The following SQOR variants were observed in gnomAD, a reference collection of about 807,000 sequenced individuals.
SQOR encodes the protein sulfide:quinone oxidoreductase, mitochondrial.
SQOR carries 39 observed loss-of-function variants against 48.6 expected under a neutral mutation model. The observed-to-expected ratio is 0.80, with a 90% CI of 0.62 to 1.05. The LOEUF is 1.05. Among genes scored for constraint, SQOR ranks in the 50% least tolerant of loss-of-function variants. SQOR has a pLI of 0.00. For synonymous variants in SQOR, 220 were observed against 206.2 expected (o/e 1.07, Z -0.57); for missense variants, 561 against 559.9 (o/e 1.00, Z -0.02).
intron 1 of SQOR, among the ~76,000 whole-genome samples, chr15:45,652,510 T>C (rs1019982905): frequency 2.0e-5 from 3 of 152,148 alleles, no homozygotes; most frequent in Admixed American, 6.5e-5. Flanking sequence ...GTCCGGCTAC[T>C]TTTTTCTAGT....
intron 7 of SQOR, among the ~76,000 whole-genome samples, chr15:45,686,152 AATAT>A (rs61545631): frequency 2.0e-5 from 3 of 150,014 alleles, no homozygotes; most frequent in Non-Finnish European, 4.4e-5. Flanking sequence ...GGCCTCATTT[AATAT>A]ATATATATAT....
At chr15:45,689,256 T>G (rs779797968) in intron 9 of SQOR, 39 bp downstream of exon 9, 1 of 1,602,430 alleles carries the variant, frequency 6.2e-7, no homozygotes, top group South Asian at 1.1e-5. Context: ...GGAAAGGGAT[T>G]TGTAGCACAT....
intron 6 of SQOR, 72 bp downstream of exon 6, chr15:45,676,382 A>C: frequency 7.2e-7 from 1 of 1,397,668 alleles, no homozygotes; most frequent in Non-Finnish European, 1.0e-6. Context: ...ATGGGGGCTC[A>C]CACCACCCTA....
At chr15:45,638,317 A>G (rs895273829) in intron 1 of SQOR, among the ~76,000 whole-genome samples, 11 of 152,180 alleles carry the variant, frequency 7.2e-5, no homozygotes, top group Non-Finnish European at 1.3e-4. Flanking sequence ...CTTAGTTAGA[A>G]GTGGTGGTGA....
At chr15:45,643,271 CT>C (rs1196930567) in intron 1 of SQOR, among the ~76,000 whole-genome samples, 1 of 152,222 alleles carries the variant, frequency 6.6e-6, no homozygotes, top group Non-Finnish European at 1.5e-5. Context: ...TCTCGGCTCA[CT>C]GCAGCCTCCG....
intron 4 of SQOR, among the ~76,000 whole-genome samples, chr15:45,670,402 G>A (rs547455293): frequency 6.6e-6 from 1 of 152,274 alleles, no homozygotes; most frequent in South Asian, 2.1e-4. Context: ...TGTTGCTGGA[G>A]GGACATCTGG....
upstream of SQOR, chr15:45,634,609 G>A (rs1450829544): frequency 6.6e-6 from 1 of 152,334 alleles, no homozygotes; most frequent in Non-Finnish European, 1.5e-5. Flanking sequence ...CTGGGCAGCT[G>A]TGTGAACCCG....
chr15:45,668,744 G>T (rs934848624), intron 3 of SQOR, among the ~76,000 whole-genome samples: 15 of 152,174 alleles, frequency 9.9e-5, no homozygotes, highest in Admixed American at 3.9e-4. Flanking sequence ...CAGGATCATG[G>T]TAATCACCAC....
intron 7 of SQOR, among the ~76,000 whole-genome samples, chr15:45,683,026 C>CAAAAAAAAAAAAAAAAAAAAAAAAAAA (rs34072446): frequency 2.8e-4 from 33 of 119,862 alleles, no homozygotes; most frequent in African/African-American, 1.1e-3. Flanking sequence ...GGCTTCATCT[C>CAAAAAAAAAAAAAAAAAAAAAAAAAAA]AAAAAAAAAA....
At chr15:45,687,993 C>A (rs1890252347) in intron 7 of SQOR, among the ~76,000 whole-genome samples, 1 of 152,138 alleles carries the variant, frequency 6.6e-6, no homozygotes, top group South Asian at 2.1e-4. Flanking sequence ...CAGGGATAAC[C>A]CACATGGTCA....
intron 2 of SQOR, among the ~76,000 whole-genome samples, chr15:45,661,559 G>T (rs1261607031): frequency 6.6e-6 from 1 of 152,138 alleles, no homozygotes; most frequent in Non-Finnish European, 1.5e-5. Context: ...GTCTCCACAT[G>T]CTCCTGAGGA....
chr15:45,632,846 C>T (rs1340301320), upstream of SQOR, among the ~76,000 whole-genome samples: 3 of 151,804 alleles, frequency 2.0e-5, no homozygotes, highest in African/African-American at 7.3e-5. Flanking sequence ...GCCCACTCCT[C>T]TAATCCCAGT....
At chr15:45,670,212 A>G (rs746084988) in intron 4 of SQOR, among the ~76,000 whole-genome samples, 1 of 152,256 alleles carries the variant, frequency 6.6e-6, no homozygotes, top group Non-Finnish European at 1.5e-5. Flanking sequence ...CAGCATGCTC[A>G]TGCCTTAATG....
intron 1 of SQOR, among the ~76,000 whole-genome samples, chr15:45,642,615 G>A (rs879275396): frequency 2.0e-5 from 3 of 152,080 alleles, no homozygotes; most frequent in African/African-American, 7.2e-5. Context: ...TTCCCAGAGC[G>A]CTAGACTGCC....
chr15:45,646,848 T>A (rs1030910110), intron 1 of SQOR, among the ~76,000 whole-genome samples: 1 of 151,980 alleles, frequency 6.6e-6, no homozygotes, highest in Non-Finnish European at 1.5e-5. Context: ...TCAAGCAAAT[T>A]CCGAGTCATT....
At chr15:45,688,514 T>TA in intron 8 of SQOR, 110 bp downstream of exon 8, 4 of 834,398 alleles carry the variant, frequency 4.8e-6, no homozygotes, top group Non-Finnish European at 5.3e-6. Flanking sequence ...TTTCTGTTTT[T>TA]CTTTTTTTTT....
chr15:45,639,409 C>T (rs1478988700), intron 1 of SQOR, among the ~76,000 whole-genome samples: 1 of 152,216 alleles, frequency 6.6e-6, no homozygotes, highest in African/African-American at 2.4e-5. Context: ...GGGTGACTCC[C>T]TTCTGATCAT....
chr15:45,658,762 G>A, intron 1 of SQOR, 145 bp from the exon 2 acceptor site: 1 of 595,342 alleles, frequency 1.7e-6, no homozygotes. Flanking sequence ...TGGGACCACA[G>A]CCAGTGGGGA....
In SQOR at chr15:45,689,190, CT is replaced by C; in HGVS notation, c.1271del (p.Phe424SerfsTer6). The C allele has an allele frequency of 1.9e-6, 3 of 1,614,104 alleles. No homozygotes were observed. The highest frequency in any genetic ancestry group is 2.5e-6 in the Non-Finnish European group (3 of 1,179,996). On this transcript the variant is annotated frameshift_variant, in exon 9 of 10. Coordinates refer to ENST00000260324, the MANE Select transcript of SQOR (RefSeq NM_021199.4). LOFTEE classifies it high-confidence loss of function. ...SMYLMKADLM[P>X]FLYWNMMLRG... Reference sequence around the variant, plus strand: ...TATCTCATGAAAGCTGACCTGATGCCTTTCCTGTATTGGAATATGATGCTAA... The same window carrying C: ...TATCTCATGAAAGCTGACCTGATGCCTTCCTGTATTGGAATATGATGCTAA...
Sources: allele counts gnomAD v4.1 joint callset (sites outside exome capture counted in the v4.1 genomes callset), GRCh38; gene constraint gnomAD v4.1.1; transcripts MANE v1.5; gene names NCBI Gene and HGNC (gene_info 2026-07-23, HGNC 2026-07-21).